The following ZSCAN5A variants were observed in gnomAD, a reference collection of about 807,000 sequenced individuals.
The protein encoded by ZSCAN5A is zinc finger and SCAN domain containing 5A.
Under a neutral mutation model 23.7 loss-of-function variants are expected in ZSCAN5A, and 12 were observed. The ratio of observed to expected loss-of-function variants is 0.51; its 90% CI spans 0.32 to 0.82. The LOEUF (loss-of-function observed/expected upper bound fraction) is 0.82, where lower values mean the gene tolerates loss of function less well. Among genes scored for constraint, ZSCAN5A ranks in the 40% least tolerant of loss-of-function variants. The pLI is 0.03. For synonymous variants in ZSCAN5A, 257 were observed against 239.9 expected (o/e 1.07, Z -0.66); for missense variants, 597 against 617.9 (o/e 0.97, Z 0.36).
intron 2 of ZSCAN5A, among the ~76,000 whole-genome samples, chr19:56,261,045 T>C (rs889882938): frequency 1.8e-4 from 27 of 151,904 alleles, no homozygotes; most frequent in African/African-American, 6.5e-4. Context: ...CCATCTCTAC[T>C]AAAAATACAA....
In ZSCAN5A at chr19:56,261,278, G is replaced by A. The variant is rs73621075; in HGVS notation, c.-127-36105C>T. ...CAGGAATTAAGTCCAAAGCCTGGCT[G>A]ATGGCCAAATTGATGTTGTCTACAG... On this transcript the variant is annotated intron_variant, in intron 2 of 5. Transcript: ENST00000683990. 2.0e-3 allele frequency among the ~76,000 whole-genome samples: 304 copies of A among 152,244 alleles called. 3 individuals are homozygous for A. Among genetic ancestry groups the A allele is most frequent in the African/African-American group, 7.1e-3 (293 of 41,544 alleles).
At chr19:56,222,513 G>C (rs949423987) in intron 5 of ZSCAN5A, 78 bp downstream of exon 5, 2 of 1,570,108 alleles carry the variant, frequency 1.3e-6, no homozygotes, top group South Asian at 1.2e-5. Context: ...TCCCCCAGGG[G>C]ATGATAATGC....
At chr19:56,282,858 A>G (rs1421119186) in intron 2 of ZSCAN5A, 1 of 152,278 alleles carries the variant, frequency 6.6e-6, no homozygotes, top group Admixed American at 6.5e-5. Context: ...GAGGTCAGGT[A>G]GTAAAAGCCA....
chr19:56,316,622 AC>A (rs2041318691), upstream of ZSCAN5A: 1 of 153,196 alleles, frequency 6.5e-6, no homozygotes, highest in Non-Finnish European at 1.5e-5. Flanking sequence ...AGAACTCACT[AC>A]CTTTGAGCCA....
chr19:56,314,086 G>T (rs1401574986), intron 1 of ZSCAN5A, among the ~76,000 whole-genome samples: 1 of 152,148 alleles, frequency 6.6e-6, no homozygotes, highest in Admixed American at 6.5e-5. Context: ...CCACGCACAG[G>T]GCAGCCCCCC....
intron 2 of ZSCAN5A, chr19:56,338,437 T>C (rs1375148768): frequency 6.6e-6 from 1 of 152,176 alleles, no homozygotes; most frequent in African/African-American, 2.4e-5. Context: ...CACCATGGCC[T>C]TTCCCTGAGT....
At chr19:56,280,296 T>G (rs571743382) in intron 2 of ZSCAN5A, among the ~76,000 whole-genome samples, 1 of 152,326 alleles carries the variant, frequency 6.6e-6, no homozygotes, top group South Asian at 2.1e-4. Context: ...TATACGTTTT[T>G]GGCTGAATAA....
chr19:56,341,677 ATCT>A (rs1184408014), intron 2 of ZSCAN5A, among the ~76,000 whole-genome samples: 1 of 139,696 alleles, frequency 7.2e-6, no homozygotes, highest in Admixed American at 7.4e-5. Flanking sequence ...AAAACATAAA[ATCT>A]TCTAGGCAGG....
At chr19:56,309,817 ACTGG>A (rs748596311) in intron 2 of ZSCAN5A, among the ~76,000 whole-genome samples, 4 of 152,142 alleles carry the variant, frequency 2.6e-5, no homozygotes, top group Non-Finnish European at 4.4e-5. Flanking sequence ...GCTGCTTCCC[ACTGG>A]CTGGTTTCTA....
chr19:56,257,040 A>G (rs1339621483), intron 2 of ZSCAN5A, among the ~76,000 whole-genome samples: 1 of 152,194 alleles, frequency 6.6e-6, no homozygotes, highest in South Asian at 2.1e-4. Context: ...CATCAGGGGA[A>G]TACCTGCGTA....
chr19:56,241,803 T>C (rs2035445354), intron 2 of ZSCAN5A, among the ~76,000 whole-genome samples: 1 of 152,206 alleles, frequency 6.6e-6, no homozygotes, highest in South Asian at 2.1e-4. Context: ...TTAAAATTAT[T>C]ATTCATGTCA....
At chr19:56,361,803 G>A (rs994612576) in intron 2 of ZSCAN5A, among the ~76,000 whole-genome samples, 5 of 152,050 alleles carry the variant, frequency 3.3e-5, no homozygotes, top group African/African-American at 9.7e-5. Context: ...AAACCACCAT[G>A]GCACGCATTT....
intron 2 of ZSCAN5A, among the ~76,000 whole-genome samples, chr19:56,274,216 A>C (rs569886050): frequency 6.6e-6 from 1 of 152,248 alleles, no homozygotes; most frequent in East Asian, 1.9e-4. Flanking sequence ...CACTTTGGGA[A>C]GCCAAGGCAG....
At chr19:56,256,112 T>C (rs1351792800) in intron 2 of ZSCAN5A, among the ~76,000 whole-genome samples, 3 of 152,190 alleles carry the variant, frequency 2.0e-5, no homozygotes, top group Non-Finnish European at 4.4e-5. Context: ...GAGGAAATGC[T>C]TTAAAATACA....
chr19:56,273,438 C>T (rs370518228), intron 2 of ZSCAN5A, among the ~76,000 whole-genome samples: 5 of 151,802 alleles, frequency 3.3e-5, no homozygotes, highest in South Asian at 2.1e-4. Context: ...GTTCTTTCCA[C>T]GGGCTTGATG....
At chr19:56,302,610 TCCC>T (rs2040402250) in intron 2 of ZSCAN5A, among the ~76,000 whole-genome samples, 3 of 90,264 alleles carry the variant, frequency 3.3e-5, no homozygotes, top group Non-Finnish European at 6.2e-5. Flanking sequence ...CTTCTTCCTC[TCCC>T]TCTTCCTCCC....
intron 2 of ZSCAN5A, among the ~76,000 whole-genome samples, chr19:56,244,607 G>A (rs55752708): frequency 0.65 from 91,675 of 142,004 alleles, 30,472 homozygotes; most frequent in Non-Finnish European, 0.71. Flanking sequence ...ACAAGGGGGA[G>A]GACAGGAGAC....
At chr19:56,327,075 TTAGAGA>T (rs917597773) in intron 2 of ZSCAN5A, among the ~76,000 whole-genome samples, 4 of 151,440 alleles carry the variant, frequency 2.6e-5, no homozygotes, top group African/African-American at 9.7e-5. Flanking sequence ...TTTTTTTTTG[TTAGAGA>T]TAGAGTCTAA....
In ZSCAN5A at chr19:56,246,899, A is replaced by G. The variant is rs1346618533; in HGVS notation, c.-127-21726T>C. 7 of 1,608,388 alleles carry G rather than the reference A, an allele frequency of 4.4e-6. No homozygotes were observed. In the African/African-American group the frequency reaches 6.7e-5, roughly 15 times the overall value. On this transcript the variant is annotated intron_variant, in intron 2 of 5. Coordinates refer to ENST00000683990, the MANE Select transcript of ZSCAN5A (RefSeq NM_001322064.3). ...AGATGTCCCAAAAGAAGCAAACCAG[A>G]CGCCACCTCCATTTCCCAAGAAGGG...
Sources: gnomAD v4.1 joint callset for allele counts (sites outside exome capture counted in the v4.1 genomes callset) on GRCh38, gnomAD v4.1.1 for gene constraint, MANE v1.5 for transcripts, NCBI Gene and HGNC (gene_info 2026-07-23, HGNC 2026-07-21) for gene names.